CDK6: variants seen among roughly 807,000 people sequenced by gnomAD.
CDK6 encodes cyclin dependent kinase 6, also known as cyclin-dependent kinase 6.
A neutral mutation model predicts 37.1 loss-of-function variants in CDK6; 6 were observed. That is an observed-to-expected ratio of 0.16 (90% CI 0.09 to 0.32). The LOEUF is 0.32. Among genes scored for constraint, CDK6 ranks in the 10% least tolerant of loss-of-function variants. The pLI is 1.00. For missense variants in CDK6, 224 were observed against 418.9 expected (o/e 0.53, Z 4.06); for synonymous variants, 160 against 161.3 (o/e 0.99, Z 0.06).
At chr7:92,680,435 GAAAAAAAAAAAAAA>G (rs778849907) in intron 4 of CDK6, among the ~76,000 whole-genome samples, 4 of 27,922 alleles carry the variant, frequency 1.4e-4, no homozygotes, top group South Asian at 1.6e-3. Context: ...TTCCATCTCA[GAAAAAAAAAAAAAA>G]AAAAAAAAAA....
chr7:92,663,506 C>T (rs1303281492), intron 5 of CDK6, among the ~76,000 whole-genome samples: 1 of 151,834 alleles, frequency 6.6e-6, no homozygotes. Flanking sequence ...TCGAGACCAG[C>T]CTAGGCAACA....
At chr7:92,762,368 T>C (rs1450307257) in intron 3 of CDK6, among the ~76,000 whole-genome samples, 1 of 152,022 alleles carries the variant, frequency 6.6e-6, no homozygotes, top group Non-Finnish European at 1.5e-5. Flanking sequence ...GGAATATATT[T>C]TGGTAGAGGA....
intron 5 of CDK6, among the ~76,000 whole-genome samples, chr7:92,639,772 A>T (rs2116531583): frequency 6.6e-6 from 1 of 152,318 alleles, no homozygotes; most frequent in East Asian, 1.9e-4. Flanking sequence ...GGAAGCTGGA[A>T]TAAAAACCAC....
chr7:92,686,399 C>T (rs951430282), intron 4 of CDK6, among the ~76,000 whole-genome samples: 8 of 152,110 alleles, frequency 5.3e-5, no homozygotes, highest in African/African-American at 1.9e-4. Context: ...AGTTACTTCA[C>T]TTAGAATAAT....
At chr7:92,656,158 G>A (rs1796694014) in intron 5 of CDK6, among the ~76,000 whole-genome samples, 2 of 152,102 alleles carry the variant, frequency 1.3e-5, no homozygotes, top group Admixed American at 1.3e-4. Context: ...GAGGGAAGAA[G>A]AGAAAGAAGA....
At chr7:92,768,169 T>C (rs772447705) in intron 3 of CDK6, among the ~76,000 whole-genome samples, 1 of 152,070 alleles carries the variant, frequency 6.6e-6, no homozygotes, top group Non-Finnish European at 1.5e-5. Flanking sequence ...GGGAGGCTGA[T>C]AGCGGTGGTG....
At chr7:92,792,292 T>C (rs1800304440) in intron 2 of CDK6, among the ~76,000 whole-genome samples, 1 of 152,148 alleles carries the variant, frequency 6.6e-6, no homozygotes, top group African/African-American at 2.4e-5. Flanking sequence ...TTAAACAAAG[T>C]TGAATCATGT....
At chr7:92,710,449 T>C (rs559200525) in intron 4 of CDK6, among the ~76,000 whole-genome samples, 3 of 152,322 alleles carry the variant, frequency 2.0e-5, no homozygotes, top group African/African-American at 7.2e-5. Context: ...GAAGGAATGG[T>C]ATTTTCCCAA....
chr7:92,719,527 A>C (rs1213885589), intron 4 of CDK6, among the ~76,000 whole-genome samples: 1 of 152,222 alleles, frequency 6.6e-6, no homozygotes, highest in Non-Finnish European at 1.5e-5. Flanking sequence ...AATATGGAAA[A>C]AAAGATTCTT....
intron 5 of CDK6, among the ~76,000 whole-genome samples, chr7:92,654,105 A>G (rs193177871): frequency 6.6e-6 from 1 of 151,642 alleles, no homozygotes; most frequent in African/African-American, 2.4e-5. Context: ...TAACTGTGCT[A>G]TATACTCAGT....
At chr7:92,829,385 C>T (rs969364974) in intron 2 of CDK6, among the ~76,000 whole-genome samples, 8 of 152,156 alleles carry the variant, frequency 5.3e-5, no homozygotes, top group Non-Finnish European at 7.4e-5. Context: ...TTTACTGTTA[C>T]ACTAATAAAT....
chr7:92,674,295 T>C (rs1797157664), intron 4 of CDK6, among the ~76,000 whole-genome samples: 2 of 152,350 alleles, frequency 1.3e-5, no homozygotes, highest in South Asian at 2.1e-4. Context: ...CACCACCCTG[T>C]TGCAGCACCA....
At chr7:92,703,808 G>A (rs1055860907) in intron 4 of CDK6, among the ~76,000 whole-genome samples, 1 of 152,112 alleles carries the variant, frequency 6.6e-6, no homozygotes, top group African/African-American at 2.4e-5. Flanking sequence ...TGATCCCTAT[G>A]TTTATCAGCC....
chr7:92,797,240 A>T (rs1275375067), intron 2 of CDK6, among the ~76,000 whole-genome samples: 2 of 152,106 alleles, frequency 1.3e-5, no homozygotes, highest in Admixed American at 1.3e-4. Context: ...CTCATCAGCT[A>T]ACTCCCCTCT....
chr7:92,676,594 G>T (rs766347140), intron 4 of CDK6, among the ~76,000 whole-genome samples: 39 of 152,084 alleles, frequency 2.6e-4, no homozygotes, highest in Non-Finnish European at 4.4e-4. Flanking sequence ...ATAGATAATG[G>T]TTTATAAGGA....
Position 92,608,932 on chromosome 7 carries a change from C to A in CDK6, c.*6208G>T. 4.3e-6 allele frequency: 1 copy of A among 232,878 alleles called. No individual in the cohort carries two copies. Among genetic ancestry groups the A allele is most frequent in the Admixed American group, 5.6e-5 (1 of 17,778 alleles). The allele number at this position is 232,878 out of a possible 1,614,324, so 14.4% of individuals were successfully genotyped here. A position where few individuals can be genotyped will look rare whatever the true frequency, so the allele number is the denominator to read the frequency against. The stretch of plus-strand genomic sequence containing the variant: ...TTTCAAGTGGGAATCAAGTTTTGAG[C>A]ACGAGCAAATGGGGTTCAGACTGGC... On this transcript the variant is annotated 3_prime_UTR_variant, in exon 8 of 8. Transcript: ENST00000424848.
intron 2 of CDK6, among the ~76,000 whole-genome samples, chr7:92,832,071 A>G (rs985016191): frequency 1.3e-5 from 2 of 152,254 alleles, no homozygotes; most frequent in African/African-American, 4.8e-5. Context: ...ACATTTTCTC[A>G]AGATCGAGAA....
chr7:92,757,891 T>G (rs921907404), intron 3 of CDK6, among the ~76,000 whole-genome samples: 3 of 152,240 alleles, frequency 2.0e-5, no homozygotes, highest in South Asian at 4.1e-4. Flanking sequence ...TGGTCTGCAT[T>G]TCTCTAATGA....
rs548290162 is a variant in CDK6, at chr7:92,655,567, C to A, written c.647+15859G>T. 2.6e-5 allele frequency among the ~76,000 whole-genome samples: 4 copies of A among 152,302 alleles called. No homozygotes were observed. In the South Asian group the frequency reaches 8.3e-4, roughly 32 times the overall value. On this transcript the variant is annotated intron_variant, in intron 5 of 7. Transcript: ENST00000424848. ...TCTGAATATTGAAATATTAGCATGT[C>A]AAATTATTACAATTAAATGGTTGGG...
Sources: allele counts gnomAD v4.1 joint callset (sites outside exome capture counted in the v4.1 genomes callset), GRCh38; gene constraint gnomAD v4.1.1; transcripts MANE v1.5; gene names NCBI Gene and HGNC (gene_info 2026-07-23, HGNC 2026-07-21).